The following METTL15 variants were observed in gnomAD, a reference collection of about 807,000 sequenced individuals.
METTL15 encodes the protein methyltransferase 15, mitochondrial 12S rRNA N4-cytidine, also known as 12S rRNA N(4)-cytidine methyltransferase METTL15.
Under a neutral mutation model 38.3 loss-of-function variants are expected in METTL15, and 34 were observed. That is an observed-to-expected ratio of 0.89 (90% CI 0.68 to 1.18). The LOEUF (loss-of-function observed/expected upper bound fraction) is 1.18, where lower values mean the gene tolerates loss of function less well. METTL15 is among the 50% of genes most tolerant of loss of function. METTL15 has a pLI of 0.00. For synonymous variants in METTL15, 162 were observed against 170.9 expected (o/e 0.95, Z 0.41); for missense variants, 438 against 498.4 (o/e 0.88, Z 1.15).
In METTL15 at chr11:28,290,408, A is replaced by G. The variant is rs762295241; in HGVS notation, c.599+11A>G. 6.7e-5 allele frequency: 107 copies of G among 1,590,794 alleles called. No homozygotes were observed. Among genetic ancestry groups the G allele is most frequent in the Non-Finnish European group, 9.0e-5 (105 of 1,167,860 alleles). On this transcript the variant is annotated intron_variant, in intron 5 of 6. Coordinates refer to ENST00000407364, the MANE Select transcript of METTL15 (RefSeq NM_001113528.2). ...AATGGATGGTGGCAGGTGAGTATTC[A>G]TAAAGCATTTCATCTCACAACAAGA...
At position 28,296,881 on chromosome 11, in the gene METTL15, G is replaced by A. The variant is rs780359033; in HGVS notation, c.728G>A (p.Arg243His). 8.1e-6 allele frequency: 13 copies of A among 1,613,408 alleles called. No homozygotes were observed. In the Middle Eastern group the frequency reaches 9.9e-4, roughly 123 times the overall value. Residue 243 changes from arginine (R) to histidine (H), a missense_variant, in exon 6 of 7, where the codon CGC becomes CAC. Arg to His is a conservative substitution (Grantham distance 29). Coordinates refer to ENST00000407364, the MANE Select transcript of METTL15 (RefSeq NM_001113528.2). ...KKIASAIVQA[R>H]SIYPITRTQQ... Reference sequence around the variant, plus strand: ...ATCGCTTCAGCAATTGTTCAGGCACGCAGCATCTACCCCATCACCAGAACC... The same window carrying A: ...ATCGCTTCAGCAATTGTTCAGGCACACAGCATCTACCCCATCACCAGAACC...
chr11:28,212,217 C>T (rs1368642718), intron 4 of METTL15, among the ~76,000 whole-genome samples: 1 of 152,076 alleles, frequency 6.6e-6, no homozygotes, highest in Non-Finnish European at 1.5e-5. Flanking sequence ...AATAAATACA[C>T]ATAAGCTTTT....
At chr11:28,528,271 C>A (rs921481121), downstream of METTL15, among the ~76,000 whole-genome samples, 2 of 152,100 alleles carry the variant, frequency 1.3e-5, no homozygotes, top group African/African-American at 4.8e-5. Context: ...CAGTAAACTG[C>A]ATACTTCAAA....
At chr11:28,188,806 T>C (rs577784345) in intron 3 of METTL15, among the ~76,000 whole-genome samples, 3 of 151,258 alleles carry the variant, frequency 2.0e-5, no homozygotes, top group African/African-American at 7.3e-5. Context: ...GTGCCAGTTC[T>C]TCTGTTCTCT....
intron 6 of METTL15, among the ~76,000 whole-genome samples, chr11:28,464,232 A>T (rs142950567): frequency 1.3e-5 from 2 of 152,194 alleles, no homozygotes; most frequent in African/African-American, 4.8e-5. Flanking sequence ...TCTACCAATA[A>T]TGGTGAAAAT....
At chr11:28,346,692 G>A (rs1849998818) in intron 3 of METTL15, among the ~76,000 whole-genome samples, 1 of 152,122 alleles carries the variant, frequency 6.6e-6, no homozygotes, top group Non-Finnish European at 1.5e-5. Flanking sequence ...CAATAACAAT[G>A]TTTAAGAAGA....
At chr11:28,141,371 T>C (rs1049521801) in intron 3 of METTL15, among the ~76,000 whole-genome samples, 4 of 152,086 alleles carry the variant, frequency 2.6e-5, no homozygotes, top group Non-Finnish European at 5.9e-5. Context: ...AAGATCAATC[T>C]TAGTTTTTGA....
At chr11:28,364,052 G>A (rs944190215) in intron 5 of METTL15, among the ~76,000 whole-genome samples, 10 of 152,032 alleles carry the variant, frequency 6.6e-5, no homozygotes, top group African/African-American at 1.9e-4. Context: ...GCCTGTTTTT[G>A]TATTAATACC....
intron 4 of METTL15, among the ~76,000 whole-genome samples, chr11:28,278,178 A>C (rs148635655): frequency 7.0e-4 from 106 of 152,250 alleles, no homozygotes; most frequent in African/African-American, 2.4e-3. Flanking sequence ...TATAGGCCTT[A>C]TATGAGAGAG....
chr11:28,371,987 C>T (rs1473007569), intron 5 of METTL15, among the ~76,000 whole-genome samples: 1 of 151,664 alleles, frequency 6.6e-6, no homozygotes, highest in African/African-American at 2.4e-5. Flanking sequence ...TTTTCTTTCT[C>T]TCACCTAACT....
Position 28,437,370 on chromosome 11 carries a change from C to A in METTL15, c.*424+13006C>A, listed in dbSNP as rs1432137448. Among the ~76,000 whole-genome samples, 3 of 152,148 alleles carry A rather than the reference C, an allele frequency of 2.0e-5. No individual in the cohort carries two copies. The South Asian group carries it at 6.2e-4, about 31-fold the overall frequency. ...CATGATGCCTGACAAATATTAGGTG[C>A]TTAATAGATATTTTGCATAAATAAT... is the stretch of plus-strand genomic sequence containing the variant. On this transcript the variant is annotated intron_variant and NMD_transcript_variant, in intron 6 of 7. Coordinates refer to the METTL15 transcript ENST00000532947.
At chr11:28,230,515 T>C (rs1436492113) in intron 4 of METTL15, among the ~76,000 whole-genome samples, 1 of 151,956 alleles carries the variant, frequency 6.6e-6, no homozygotes, top group Non-Finnish European at 1.5e-5. Context: ...TGACTATACC[T>C]AGAAAGACTT....
intron 4 of METTL15, among the ~76,000 whole-genome samples, chr11:28,278,849 T>G (rs1273177680): frequency 6.6e-6 from 1 of 152,116 alleles, no homozygotes; most frequent in Non-Finnish European, 1.5e-5. Flanking sequence ...TTGTTTGAGA[T>G]AGAGTCTTGC....
intron 4 of METTL15, among the ~76,000 whole-genome samples, chr11:28,239,249 C>G (rs1221307802): frequency 6.6e-6 from 1 of 152,212 alleles, no homozygotes; most frequent in Admixed American, 6.5e-5. Context: ...TTGATCTTCT[C>G]CTTAAAACAT....
intron 4 of METTL15, among the ~76,000 whole-genome samples, chr11:28,356,978 A>G (rs1207330467): frequency 6.6e-6 from 1 of 152,176 alleles, no homozygotes; most frequent in East Asian, 1.9e-4. Flanking sequence ...GAGACTGGGC[A>G]CAGTTAGCTG....
chr11:28,308,759 A>G (rs1857166143), intron 6 of METTL15, among the ~76,000 whole-genome samples: 1 of 152,086 alleles, frequency 6.6e-6, no homozygotes, highest in African/African-American at 2.4e-5. Flanking sequence ...CCAAATCTCC[A>G]GGGGCAAGAA....
intron 3 of METTL15, 58 bp from the exon 4 acceptor site, chr11:28,211,004 T>A (rs1189694038): frequency 6.6e-7 from 1 of 1,517,960 alleles, no homozygotes; most frequent in Admixed American, 2.1e-5. Context: ...TTGAGATAGT[T>A]GTCAAGAATA....
At chr11:28,127,373 A>G (rs1328132731) in intron 3 of METTL15, among the ~76,000 whole-genome samples, 2 of 152,044 alleles carry the variant, frequency 1.3e-5, no homozygotes, top group Non-Finnish European at 2.9e-5. Context: ...AAAAAAATGG[A>G]CATTTATTTC....
intron 6 of METTL15, among the ~76,000 whole-genome samples, chr11:28,311,298 A>G (rs1341306668): frequency 6.6e-6 from 1 of 152,218 alleles, no homozygotes; most frequent in Non-Finnish European, 1.5e-5. Flanking sequence ...TGGAAATGTC[A>G]TGAACAAGTA....
Sources: allele counts gnomAD v4.1 joint callset (sites outside exome capture counted in the v4.1 genomes callset), GRCh38; gene constraint gnomAD v4.1.1; transcripts MANE v1.5; gene names NCBI Gene and HGNC (gene_info 2026-07-23, HGNC 2026-07-21).